FANCC: variants seen among roughly 807,000 people sequenced by gnomAD.
The protein encoded by FANCC is FA complementation group C, also known as Fanconi anemia group C protein.
Under a neutral mutation model 71.3 loss-of-function variants are expected in FANCC, and 55 were observed. That is an observed-to-expected ratio of 0.77 (90% CI 0.62 to 0.97). The LOEUF is 0.97. Ranked by LOEUF, FANCC falls within the 50% of genes least tolerant of loss-of-function variation. The pLI is 0.00. For synonymous variants in FANCC, 275 were observed against 244.9 expected, an observed-to-expected ratio of 1.12 and a Z score of -1.15; for missense variants, 678 against 670.9, an observed-to-expected ratio of 1.01 and a Z score of -0.12.
chr9:95,155,270 GAAA>G (rs1830397167), intron 6 of FANCC, among the ~76,000 whole-genome samples: 3 of 65,634 alleles, frequency 4.6e-5, no homozygotes, highest in African/African-American at 6.2e-5. Flanking sequence ...GGGAGGGGAG[GAAA>G]GGGGAGGGGA....
intron 7 of FANCC, among the ~76,000 whole-genome samples, chr9:95,139,029 C>T (rs934962807): frequency 2.0e-5 from 3 of 152,124 alleles, no homozygotes. Flanking sequence ...TTGTAATCAC[C>T]CCTGAATGAA....
chr9:95,185,231 C>T (rs530767788), intron 4 of FANCC, among the ~76,000 whole-genome samples: 1 of 152,174 alleles, frequency 6.6e-6, no homozygotes, highest in Admixed American at 6.5e-5. Flanking sequence ...TTCCAACATG[C>T]AAATAGCACT....
intron 1 of FANCC, among the ~76,000 whole-genome samples, chr9:95,265,473 C>T (rs933190191): frequency 6.6e-6 from 1 of 152,144 alleles, no homozygotes; most frequent in Non-Finnish European, 1.5e-5. Context: ...AATCTCTGAC[C>T]TTGTTCTCCA....
intron 10 of FANCC, among the ~76,000 whole-genome samples, chr9:95,124,105 A>C (rs1196586203): frequency 2.0e-3 from 1 of 492 alleles, no homozygotes; most frequent in Non-Finnish European, 5.5e-3. Context: ...CCTTGTCTCA[A>C]AAAAAAAAAA....
intron 13 of FANCC, among the ~76,000 whole-genome samples, chr9:95,107,779 T>C (rs1173515953): frequency 1.3e-5 from 2 of 152,122 alleles, no homozygotes; most frequent in Non-Finnish European, 2.9e-5. Flanking sequence ...AGCACGGTCA[T>C]ACACACATGC....
chr9:95,107,099 T>C lies in FANCC; in HGVS notation c.1500A>G (p.Gly500=), dbSNP rs900179723. The change falls in exon 14 of 15, where the codon GGA becomes GGG. Residue 500 remains glycine, a synonymous_variant. Coordinates refer to ENST00000289081, the MANE Select transcript of FANCC (RefSeq NM_000136.3). ...LLLNFLLWAP[G]GHTIAWDVIT... is the part of the protein sequence containing the mutation. ...TGACATCCCAGGCGATCGTGTGGCC[T>C]CCAGGAGCCCAGAGCAGGAAGTTGA... 2 of 1,614,170 alleles carry C rather than the reference T, an allele frequency of 1.2e-6. No homozygotes were observed. The highest frequency in any genetic ancestry group is 1.7e-6 in the Non-Finnish European group (2 of 1,180,018).
At chr9:95,110,539 A>C in intron 13 of FANCC, 2 of 1,031,574 alleles carry the variant, frequency 1.9e-6, no homozygotes, top group Non-Finnish European at 1.2e-6. Flanking sequence ...TTTATTTCTG[A>C]TCCAAAATAA....
At chr9:95,110,652 G>C (rs2071844029) in intron 13 of FANCC, 1 of 1,047,312 alleles carries the variant, frequency 9.5e-7, no homozygotes, top group Non-Finnish European at 1.2e-6. Context: ...TAGTCTGTGT[G>C]TTTTCAAACA....
chr9:95,101,572 A>T lies in FANCC; in HGVS notation c.*135T>A. On this transcript the variant is annotated 3_prime_UTR_variant, in exon 15 of 15. Coordinates refer to ENST00000289081, the MANE Select transcript of FANCC (RefSeq NM_000136.3). ...AAATAGATACTAGCAGATTGTCCCAAGATGTGTACAGCTCATTCTCACAGC... is the reference window on the plus strand; with the variant it reads ...AAATAGATACTAGCAGATTGTCCCATGATGTGTACAGCTCATTCTCACAGC... 1 of 1,057,006 alleles carries T rather than the reference A, an allele frequency of 9.5e-7. No homozygotes were observed. The highest frequency in any genetic ancestry group is 2.6e-5 in the East Asian group (1 of 38,806). The allele number at this position is 1,057,006 out of a possible 1,614,324, so 65.5% of individuals were successfully genotyped here. A position where few individuals can be genotyped will look rare whatever the true frequency, so the allele number is the denominator to read the frequency against.
At chr9:95,144,794 G>A (rs2135359388) in intron 7 of FANCC, among the ~76,000 whole-genome samples, 1 of 152,288 alleles carries the variant, frequency 6.6e-6, no homozygotes, top group East Asian at 1.9e-4. Context: ...CAGTGGTGGG[G>A]CCGTGAAGCG....
At chr9:95,131,468 A>C (rs1367067635) in intron 8 of FANCC, among the ~76,000 whole-genome samples, 1 of 152,090 alleles carries the variant, frequency 6.6e-6, no homozygotes. Context: ...CTGCAATTCC[A>C]TTGCAAGGAA....
At position 95,190,306 on chromosome 9, in the gene FANCC, T is replaced by C. The variant is rs540621986; in HGVS notation, c.346-18159A>G. Among the ~76,000 whole-genome samples the C allele has an allele frequency of 6.6e-5, 10 of 152,276 alleles. No homozygotes were observed. In the South Asian group the frequency reaches 2.1e-3, roughly 32 times the overall value. On this transcript the variant is annotated intron_variant, in intron 4 of 14. Coordinates refer to ENST00000289081, the MANE Select transcript of FANCC (RefSeq NM_000136.3). Reference sequence around the variant, plus strand: ...CCCTCCGCAGCAGTGACCCGCGTCATTGCTGGATTTCTCATGTCAATTACA... The same window carrying C: ...CCCTCCGCAGCAGTGACCCGCGTCACTGCTGGATTTCTCATGTCAATTACA...
chr9:95,206,707 A>AG (rs1368861069), intron 4 of FANCC, among the ~76,000 whole-genome samples: 2 of 152,236 alleles, frequency 1.3e-5, no homozygotes, highest in Admixed American at 6.5e-5. Context: ...ACATGCACCA[A>AG]GGGAACAATA....
rs964433733 is a variant in FANCC at position 95,099,489 on chromosome 9, CT to C, written c.*2217del. 2.6e-5 allele frequency: 6 copies of C among 228,212 alleles called. No homozygotes were observed. Among genetic ancestry groups the C allele is most frequent in the African/African-American group, 1.3e-4 (6 of 44,582 alleles). 14.1% of individuals were successfully genotyped at this position (228,212 alleles called of 1,614,324 possible). ...TCCTTCCCGGTGGCACCTGCCCAGG[CT>C]TTGCCGAAATCGAAGGCAACAAGAG... is the stretch of plus-strand genomic sequence containing the variant. On this transcript the variant is annotated 3_prime_UTR_variant, in exon 15 of 15. Transcript: ENST00000289081.
chr9:95,247,549 G>A (rs780611960), intron 2 of FANCC, 33 bp from the exon 3 acceptor site: 14 of 1,424,226 alleles, frequency 9.8e-6, no homozygotes, highest in Non-Finnish European at 1.4e-5. Flanking sequence ...GGTCAGTAAA[G>A]GCATTATGCA....
intron 4 of FANCC, among the ~76,000 whole-genome samples, chr9:95,178,469 G>A (rs928591382): frequency 2.0e-5 from 3 of 152,258 alleles, no homozygotes; most frequent in African/African-American, 7.2e-5. Flanking sequence ...CTTGGCCCAT[G>A]TCCCAGGAAG....
At chr9:95,292,643 G>A in intron 1 of FANCC, 1 of 1,404,204 alleles carries the variant, frequency 7.1e-7, no homozygotes, top group Non-Finnish European at 1.0e-6. Context: ...CGCTCAACAT[G>A]CACCTGGTCA....
intron 7 of FANCC, among the ~76,000 whole-genome samples, chr9:95,139,528 G>C (rs1343907953): frequency 6.6e-6 from 1 of 152,086 alleles, no homozygotes; most frequent in Non-Finnish European, 1.5e-5. Flanking sequence ...CACGGGGATG[G>C]CGGAACAGAG....
chr9:95,188,543 C>G (rs1310617961), intron 4 of FANCC, among the ~76,000 whole-genome samples: 2 of 152,212 alleles, frequency 1.3e-5, no homozygotes, highest in Non-Finnish European at 2.9e-5. Context: ...AAATTTCCAT[C>G]CAGTGAAAAG....
Sources: allele counts gnomAD v4.1 joint callset (sites outside exome capture counted in the v4.1 genomes callset), GRCh38; gene constraint gnomAD v4.1.1; transcripts MANE v1.5; gene names NCBI Gene and HGNC (gene_info 2026-07-23, HGNC 2026-07-21).